The following SLIT2 variants were observed in gnomAD, a reference collection of about 807,000 sequenced individuals.
SLIT2 encodes the protein slit homolog 2 protein.
Under a neutral mutation model 185.7 loss-of-function variants are expected in SLIT2, and 41 were observed. The ratio of observed to expected loss-of-function variants is 0.22; its 90% CI spans 0.17 to 0.29. The LOEUF (loss-of-function observed/expected upper bound fraction) is 0.29. Among genes scored for constraint, SLIT2 ranks in the 10% least tolerant of loss-of-function variants. The probability of loss-of-function intolerance (pLI) is 1.00; values close to 1 mark genes in which losing one functional copy is unlikely to be tolerated. For missense variants in SLIT2, 1,571 were observed against 1,909.0 expected, an observed-to-expected ratio of 0.82 and a Z score of 3.30; for synonymous variants, 693 against 680.2, an observed-to-expected ratio of 1.02 and a Z score of -0.29.
intron 5 of SLIT2, among the ~76,000 whole-genome samples, chr4:20,472,339 TA>T (rs1715287127): frequency 5.2e-5 from 3 of 57,262 alleles, no homozygotes; most frequent in African/African-American, 2.1e-4. Flanking sequence ...TATATAGATC[TA>T]TATATAGATA....
At chr4:20,258,807 T>C (rs1712131542) in intron 3 of SLIT2, among the ~76,000 whole-genome samples, 1 of 151,692 alleles carries the variant, frequency 6.6e-6, no homozygotes, top group South Asian at 2.1e-4. Flanking sequence ...AAACAACAAT[T>C]ATTTTAATAA....
At chr4:20,509,321 G>A (rs926298332) in intron 9 of SLIT2, among the ~76,000 whole-genome samples, 1 of 151,932 alleles carries the variant, frequency 6.6e-6, no homozygotes, top group Non-Finnish European at 1.5e-5. Context: ...GTTGAAGGAA[G>A]GTAACAGGGA....
chr4:20,545,437 G>T (rs1054312881), intron 21 of SLIT2, among the ~76,000 whole-genome samples: 2 of 147,444 alleles, frequency 1.4e-5, no homozygotes, highest in South Asian at 4.4e-4. Context: ...CTTATATATG[G>T]TTATTTGATT....
chr4:20,449,555 C>T (rs1712232938), intron 4 of SLIT2, among the ~76,000 whole-genome samples: 2 of 151,972 alleles, frequency 1.3e-5, no homozygotes, highest in South Asian at 4.2e-4. Context: ...ATTACAGGCA[C>T]ACACCACCAC....
chr4:20,543,661 C>T (rs1322467562), intron 21 of SLIT2, among the ~76,000 whole-genome samples: 1 of 152,142 alleles, frequency 6.6e-6, no homozygotes, highest in African/African-American at 2.4e-5. Context: ...CATGTCATTT[C>T]AATTTTTAAG....
rs113269631 is a variant in SLIT2, at chr4:20,282,050, C to T, written c.395+13169C>T. On this transcript the variant is annotated intron_variant, in intron 4 of 36. Transcript: ENST00000504154. ...TGATTCATCAGAACCTTTCTGTTGC[C>T]GTAAAATGGGAAACTTCATCAAAAT... is the stretch of plus-strand genomic sequence containing the variant. 5.3e-5 allele frequency among the ~76,000 whole-genome samples: 8 copies of T among 151,930 alleles called. 1 individual carries two copies. The highest frequency in any genetic ancestry group is 8.8e-5 in the Non-Finnish European group (6 of 67,988).
At chr4:20,385,375 T>A (rs1268791380) in intron 4 of SLIT2, among the ~76,000 whole-genome samples, 1 of 152,186 alleles carries the variant, frequency 6.6e-6, no homozygotes, top group Non-Finnish European at 1.5e-5. Flanking sequence ...TCTTGGTAGA[T>A]GCTCAGTAAA....
intron 29 of SLIT2, chr4:20,569,226 G>C: frequency 1.9e-6 from 1 of 515,110 alleles, no homozygotes; most frequent in Non-Finnish European, 3.5e-6. Flanking sequence ...CTATTATAAA[G>C]CCATGCTATC....
chr4:20,547,800 C>T (rs929168387), intron 22 of SLIT2, among the ~76,000 whole-genome samples: 1 of 151,334 alleles, frequency 6.6e-6, no homozygotes, highest in Non-Finnish European at 1.5e-5. Flanking sequence ...ATGTAAATTA[C>T]GACCCATAGT....
intron 4 of SLIT2, among the ~76,000 whole-genome samples, chr4:20,290,668 T>C (rs1045131562): frequency 6.6e-6 from 1 of 152,146 alleles, no homozygotes; most frequent in Non-Finnish European, 1.5e-5. Context: ...CATCATTGTT[T>C]TGCCAGTGTC....
intron 5 of SLIT2, among the ~76,000 whole-genome samples, chr4:20,473,786 A>G (rs1313736940): frequency 6.6e-6 from 1 of 152,064 alleles, no homozygotes. Context: ...AGGGTTGCTC[A>G]CTTGATATAG....
chr4:20,326,278 T>G (rs1577436860), intron 4 of SLIT2, among the ~76,000 whole-genome samples: 5 of 152,092 alleles, frequency 3.3e-5, no homozygotes, highest in African/African-American at 1.2e-4. Context: ...CTCTATCTAC[T>G]GTGTCTTGTT....
chr4:20,291,447 C>CTTATATATAT (rs1445810616), intron 4 of SLIT2, among the ~76,000 whole-genome samples: 1 of 50,260 alleles, frequency 2.0e-5, no homozygotes, highest in African/African-American at 7.5e-5. Context: ...TAAGAAACCT[C>CTTATATATAT]ATATATATAT....
chr4:20,311,353 A>T (rs12509367), intron 4 of SLIT2, among the ~76,000 whole-genome samples: 9,899 of 152,334 alleles, frequency 0.065, 640 homozygotes, highest in African/African-American at 0.17. Context: ...TAAATATTTT[A>T]GCAATAACTT....
intron 4 of SLIT2, among the ~76,000 whole-genome samples, chr4:20,413,031 TA>T (rs2109434759): frequency 6.6e-6 from 1 of 152,246 alleles, no homozygotes; most frequent in African/African-American, 2.4e-5. Flanking sequence ...TAATAGTGAT[TA>T]TATTGAAACT....
At chr4:20,369,764 C>G (rs1723425527) in intron 4 of SLIT2, among the ~76,000 whole-genome samples, 1 of 152,012 alleles carries the variant, frequency 6.6e-6, no homozygotes, top group Non-Finnish European at 1.5e-5. Context: ...AGGGGACCAG[C>G]CCTATCTCAG....
chr4:20,472,484 C>CTATAGATATAGATATATCTATATAGATA (rs1715454194), intron 5 of SLIT2, among the ~76,000 whole-genome samples: 2 of 14,714 alleles, frequency 1.4e-4, no homozygotes, highest in Non-Finnish European at 2.1e-4. Context: ...AGATATATAT[C>CTATAGATATAGATATATCTATATAGATA]TATATATAGA....
At chr4:20,324,874 G>A (rs940393423) in intron 4 of SLIT2, among the ~76,000 whole-genome samples, 23 of 152,186 alleles carry the variant, frequency 1.5e-4, no homozygotes, top group African/African-American at 5.5e-4. Context: ...CATCAGATTG[G>A]TGCAAAAGTG....
At chr4:20,274,938 A>G (rs918276478) in intron 4 of SLIT2, among the ~76,000 whole-genome samples, 2 of 152,276 alleles carry the variant, frequency 1.3e-5, no homozygotes, top group Admixed American at 6.5e-5. Flanking sequence ...AGCTGTTGCT[A>G]ACGTCTGACC....
Sources: gnomAD v4.1 joint callset for allele counts (sites outside exome capture counted in the v4.1 genomes callset) on GRCh38, gnomAD v4.1.1 for gene constraint, MANE v1.5 for transcripts, NCBI Gene and HGNC (gene_info 2026-07-23, HGNC 2026-07-21) for gene names.